Variants in SLC9A4 observed in about 807,000 individuals in gnomAD.
SLC9A4 encodes the protein sodium/hydrogen exchanger 4.
Under a neutral mutation model 67.4 loss-of-function variants are expected in SLC9A4, and 63 were observed. That is an observed-to-expected ratio of 0.93 (90% CI 0.76 to 1.15). SLC9A4 has a LOEUF of 1.15. SLC9A4 is among the 50% of genes most tolerant of loss of function. The pLI, the probability that SLC9A4 is intolerant of heterozygous loss-of-function variation, is 0.00. For synonymous variants in SLC9A4, 393 were observed against 367.2 expected, an observed-to-expected ratio of 1.07 and a Z score of -0.80; for missense variants, 1,089 against 987.7, an observed-to-expected ratio of 1.10 and a Z score of -1.38.
chr2:102,510,286 G>GATATAGAT (rs1382341911), intron 6 of SLC9A4, among the ~76,000 whole-genome samples: 1 of 152,084 alleles, frequency 6.6e-6, no homozygotes, highest in African/African-American at 2.4e-5. Flanking sequence ...TATAGATATA[G>GATATAGAT]ATATAGATAT....
At chr2:102,494,761 A>C (rs889413669) in intron 2 of SLC9A4, among the ~76,000 whole-genome samples, 2 of 152,094 alleles carry the variant, frequency 1.3e-5, no homozygotes, top group Non-Finnish European at 2.9e-5. Context: ...CATAATGATA[A>C]AAAAGCTGAC....
rs753931101 is a variant in SLC9A4 at position 102,519,969 on chromosome 2, A to T, written c.1818+14A>T. On this transcript the variant is annotated intron_variant, in intron 9 of 11. Transcript: ENST00000295269. ...GTTCGGCAAAGGGTGTGTATGAGCC[A>T]CCTGTGTTGTCCCCATTTTCTGTCC... is the stretch of plus-strand genomic sequence containing the variant. 2.5e-6 allele frequency: 4 copies of T among 1,609,958 alleles called. No homozygotes were observed. In the East Asian group the frequency reaches 8.9e-5, roughly 36 times the overall value.
chr2:102,474,155 G>A (rs187842297), intron 1 of SLC9A4, 140 bp downstream of exon 1: 47 of 1,042,410 alleles, frequency 4.5e-5, no homozygotes, highest in Admixed American at 2.7e-4. Context: ...TTCAGTCAAG[G>A]GAAAGTCATA....
At chr2:102,485,841 A>C (rs1354742273) in intron 2 of SLC9A4, among the ~76,000 whole-genome samples, 1 of 152,090 alleles carries the variant, frequency 6.6e-6, no homozygotes, top group Non-Finnish European at 1.5e-5. Flanking sequence ...ATTAACTGTC[A>C]CCGCCAAACT....
At chr2:102,489,559 A>G (rs1451217673) in intron 2 of SLC9A4, among the ~76,000 whole-genome samples, 1 of 152,176 alleles carries the variant, frequency 6.6e-6, no homozygotes, top group East Asian at 1.9e-4. Context: ...AAGAAATGTC[A>G]TTGCTGCACC....
intron 2 of SLC9A4, among the ~76,000 whole-genome samples, chr2:102,492,508 G>C (rs1684723977): frequency 6.6e-6 from 1 of 152,226 alleles, no homozygotes; most frequent in African/African-American, 2.4e-5. Context: ...CTGAAGCAAT[G>C]ACCTGAGCAG....
intron 2 of SLC9A4, among the ~76,000 whole-genome samples, chr2:102,503,065 C>T (rs1287519023): frequency 6.6e-6 from 1 of 152,212 alleles, no homozygotes. Flanking sequence ...TTTCTAGGCC[C>T]TCTACGGACA....
chr2:102,503,734 C>T, intron 3 of SLC9A4, 27 bp downstream of exon 3: 1 of 1,608,312 alleles, frequency 6.2e-7, no homozygotes, highest in Non-Finnish European at 8.5e-7. Flanking sequence ...GATCAAGTCA[C>T]ATAGTAATAG....
Position 102,514,245 on chromosome 2 carries a change from C to A in SLC9A4, c.1715C>A (p.Pro572His), listed in dbSNP as rs1346040555. The change falls in exon 8 of 12, where the codon CCC becomes CAC. Residue 572 changes from proline to histidine, a missense_variant. By Grantham distance (77) the Pro-to-His change is moderately conservative. Coordinates refer to ENST00000295269, the MANE Select transcript of SLC9A4 (RefSeq NM_001011552.4). Reference sequence around the variant, plus strand: ...CTGAGCTCTACAGCTTTCTCCATACCCCATCAGTGAGTCATATCTGTTCTT... The same window carrying A: ...CTGAGCTCTACAGCTTTCTCCATACACCATCAGTGAGTCATATCTGTTCTT... ...GILSSTAFSI[P>H]HQAQRIQGIK... is the part of the protein sequence containing the mutation. 6.2e-7 allele frequency: 1 copy of A among 1,606,030 alleles called. No homozygotes were observed. The highest frequency in any genetic ancestry group is 8.5e-7 in the Non-Finnish European group (1 of 1,174,734).
chr2:102,524,100 A>G (rs897499897), intron 9 of SLC9A4, among the ~76,000 whole-genome samples: 1 of 152,226 alleles, frequency 6.6e-6, no homozygotes, highest in Non-Finnish European at 1.5e-5. Flanking sequence ...TCACTTATGT[A>G]ATCCTGTGCC....
rs78843713 is a variant in SLC9A4 at position 102,499,718 on chromosome 2, G to T, written c.721-3730G>T. 5.3e-3 allele frequency among the ~76,000 whole-genome samples: 807 copies of T among 152,268 alleles called. 5 individuals are homozygous for T. Among genetic ancestry groups the T allele is most frequent in the Middle Eastern group, 0.02 (6 of 294 alleles). On this transcript the variant is annotated intron_variant, in intron 2 of 11. Transcript: ENST00000295269. ...AGAAACTTATCTTTGAGGGAAGAAG[G>T]CAAGCCTATTATAACCTTCTGCCCA... is the stretch of plus-strand genomic sequence containing the variant.
intron 2 of SLC9A4, among the ~76,000 whole-genome samples, chr2:102,493,255 T>C (rs957385816): frequency 6.6e-6 from 1 of 152,082 alleles, no homozygotes. Flanking sequence ...CTTTCACATT[T>C]TTGGGTATCC....
intron 2 of SLC9A4, among the ~76,000 whole-genome samples, chr2:102,491,780 C>T (rs1684707945): frequency 6.6e-6 from 1 of 152,202 alleles, no homozygotes; most frequent in African/African-American, 2.4e-5. Context: ...AAAGTCTTAA[C>T]TCATTTCAGC....
In SLC9A4 at chr2:102,519,861, C is replaced by A. The variant is rs1685362850; in HGVS notation, c.1724C>A (p.Ala575Asp). 6.2e-7 allele frequency: 1 copy of A among 1,613,462 alleles called. No individual in the cohort carries two copies. The highest frequency in any genetic ancestry group is 8.5e-7 in the Non-Finnish European group (1 of 1,179,552). ...CTCTTCTCCAATAATGATTCCAGGGCCCAGAGGATACAAGGAATCAAAAGA... is the reference window on the plus strand; with the variant it reads ...CTCTTCTCCAATAATGATTCCAGGGACCAGAGGATACAAGGAATCAAAAGA... ...SSTAFSIPHQAQRIQGIKRLS... is the reference protein window; with the variant it reads ...SSTAFSIPHQDQRIQGIKRLS... The change falls in exon 9 of 12, where the codon GCC becomes GAC. Residue 575 changes from alanine (A) to aspartate (D), a missense_variant and splice_region_variant. Physicochemically the swap from Ala to Asp is moderately radical, Grantham distance 126 (BLOSUM62 -2). Transcript: ENST00000295269.
chr2:102,479,253 T>C lies in SLC9A4; in HGVS notation c.671T>C (p.Leu224Pro), dbSNP rs1684405948. 1 of 1,614,028 alleles carries C rather than the reference T, an allele frequency of 6.2e-7. No homozygotes were observed. The highest frequency in any genetic ancestry group is 8.5e-7 in the Non-Finnish European group (1 of 1,180,006). ...VFEEARVNEQ[L>P]YMMIFGEALL... ...GAGGAAGCGCGCGTGAACGAGCAGC[T>C]CTACATGATGATCTTTGGGGAGGCC... is the stretch of plus-strand genomic sequence containing the variant. The change falls in exon 2 of 12, where the codon CTC (leucine) becomes CCC (proline). Residue 224 changes from leucine (L) to proline (P), a missense_variant. Transcript: ENST00000295269.
At chr2:102,512,775 G>A (rs186479428) in intron 7 of SLC9A4, among the ~76,000 whole-genome samples, 26 of 152,120 alleles carry the variant, frequency 1.7e-4, no homozygotes, top group African/African-American at 6.3e-4. Flanking sequence ...AGAATGTATT[G>A]TTTTACTGGA....
intron 11 of SLC9A4, among the ~76,000 whole-genome samples, chr2:102,531,958 A>C (rs1674786335): frequency 2.0e-5 from 3 of 152,236 alleles, no homozygotes; most frequent in Non-Finnish European, 2.9e-5. Flanking sequence ...AGATGGCTGC[A>C]CCACATAACC....
rs1399012318 is a variant in SLC9A4, at chr2:102,508,263, C to A, written c.1383C>A (p.Tyr461Ter). ...MFVTATLVVIYFTVFIQGITV... is the reference protein window; with the variant it reads ...MFVTATLVVI ...TCACTGCTACTCTAGTAGTTATATA[C>A]TTTACTGTATTTATTCAGGTAAGTA... Residue 461 changes from tyrosine to a stop codon, truncating the protein, a stop_gained, in exon 5 of 12, where the codon TAC becomes TAA. Transcript: ENST00000295269. LOFTEE classifies it high-confidence loss of function. The A allele has an allele frequency of 1.2e-6, 2 of 1,613,078 alleles. No homozygotes were observed. Among genetic ancestry groups the A allele is most frequent in the Admixed American group, 3.3e-5 (2 of 59,958 alleles).
At chr2:102,523,161 G>C (rs534090416) in intron 9 of SLC9A4, among the ~76,000 whole-genome samples, 11 of 151,286 alleles carry the variant, frequency 7.3e-5, no homozygotes, top group African/African-American at 2.7e-4. Flanking sequence ...TTTTTGTAGA[G>C]ATAGGGTTTA....
Sources: gnomAD v4.1 joint callset for allele counts (sites outside exome capture counted in the v4.1 genomes callset) on GRCh38, gnomAD v4.1.1 for gene constraint, MANE v1.5 for transcripts, NCBI Gene and HGNC (gene_info 2026-07-23, HGNC 2026-07-21) for gene names.